The following NAAA variants were observed in gnomAD, a reference collection of about 807,000 sequenced individuals.
The protein encoded by NAAA is N-acylethanolamine acid amidase.
In NAAA, 39 loss-of-function variants were observed where a neutral mutation model predicts 44.8. The ratio of observed to expected loss-of-function variants is 0.87; its 90% CI spans 0.67 to 1.14. The LOEUF (loss-of-function observed/expected upper bound fraction) is 1.14. Among genes scored for constraint, NAAA ranks in the 50% most tolerant of loss-of-function variants. The pLI is 0.00. For synonymous variants in NAAA, 178 were observed against 191.3 expected, an observed-to-expected ratio of 0.93 and a Z score of 0.58; for missense variants, 460 against 467.8, an observed-to-expected ratio of 0.98 and a Z score of 0.15.
chr4:75,918,815 GAGA>G (rs1725871977), intron 8 of NAAA, 26 bp from the exon 9 acceptor site: 1 of 1,598,744 alleles, frequency 6.3e-7, no homozygotes, highest in Non-Finnish European at 8.6e-7. Flanking sequence ...TCATTTTATA[GAGA>G]AGATTACATG....
At chr4:75,924,584 T>C (rs1168310888) in intron 5 of NAAA, among the ~76,000 whole-genome samples, 1 of 152,240 alleles carries the variant, frequency 6.6e-6, no homozygotes, top group Non-Finnish European at 1.5e-5. Context: ...TTTTGTTGTG[T>C]GCACAGCTGG....
chr4:75,921,023 C>A lies in NAAA; in HGVS notation c.767G>T (p.Arg256Leu), dbSNP rs1388381303. Residue 256 changes from arginine (R) to leucine (L), a missense_variant, in exon 6 of 11, where the codon CGG becomes CTG. Physicochemically the swap from Arg to Leu is moderately radical, Grantham distance 102 (BLOSUM62 -2). Transcript: ENST00000286733. ...GTTCCTCGTGATGACCACCCCCTCC[C>A]GGGGGGACGTGCCACCAACAATGTA... Reference protein sequence around the residue: ...VYYIVGGTSPREGVVITRNRD... With the variant: ...VYYIVGGTSPLEGVVITRNRD... 1 of 1,609,082 alleles carries A rather than the reference C, an allele frequency of 6.2e-7. No individual in the cohort carries two copies. The highest frequency in any genetic ancestry group is 8.5e-7 in the Non-Finnish European group (1 of 1,178,954).
intron 1 of NAAA, 103 bp from the exon 2 acceptor site, chr4:75,940,268 C>T: frequency 7.8e-7 from 1 of 1,274,956 alleles, no homozygotes; most frequent in South Asian, 1.4e-5. Context: ...CGTGAGGTCT[C>T]AGGGCCACTG....
chr4:75,927,746 C>CATTTATGAATGTGTG (rs1216322534), intron 4 of NAAA, among the ~76,000 whole-genome samples: 3 of 145,324 alleles, frequency 2.1e-5, no homozygotes, highest in Non-Finnish European at 1.5e-5. Flanking sequence ...CATGATCGTG[C>CATTTATGAATGTGTG]ATTTATGAAT....
intron 2 of NAAA, 96 bp downstream of exon 2, chr4:75,939,897 CACCGCCCT>C: frequency 7.3e-7 from 1 of 1,361,582 alleles, no homozygotes; most frequent in Non-Finnish European, 1.0e-6. Context: ...GGCAAGCAGG[CACCGCCCT>C]GTTTTTATCA....
At chr4:75,936,472 A>G (rs539079634) in intron 2 of NAAA, among the ~76,000 whole-genome samples, 5 of 152,212 alleles carry the variant, frequency 3.3e-5, no homozygotes, top group Non-Finnish European at 7.3e-5. Context: ...CTTAGCACAC[A>G]TGGAGGGCAT....
chr4:75,939,162 A>G (rs1015479231), intron 2 of NAAA, among the ~76,000 whole-genome samples: 6 of 151,962 alleles, frequency 3.9e-5, no homozygotes, highest in Non-Finnish European at 5.9e-5. Flanking sequence ...CTGGATGCAC[A>G]TTTTATCATG....
chr4:75,910,815 A>T (rs543541319), downstream of NAAA, among the ~76,000 whole-genome samples: 1 of 152,342 alleles, frequency 6.6e-6, no homozygotes, highest in East Asian at 1.9e-4. Context: ...ACTGTCACAC[A>T]CATCTGTGTG....
downstream of NAAA, among the ~76,000 whole-genome samples, chr4:75,912,812 A>T (rs1049045212): frequency 1.3e-5 from 2 of 152,176 alleles, no homozygotes; most frequent in African/African-American, 4.8e-5. Flanking sequence ...TTCTAGTTTC[A>T]ATGGCTGTGT....
In NAAA at chr4:75,925,722, T is replaced by G. The variant is rs778536695; in HGVS notation, c.666+13A>C. 3.7e-6 allele frequency: 6 copies of G among 1,613,692 alleles called. No individual in the cohort carries two copies. In the African/African-American group the frequency reaches 8.0e-5, roughly 22 times the overall value. The stretch of plus-strand genomic sequence containing the variant: ...GGTGGAGTTAAGGAGGGCTCCACAT[T>G]AAATATACTCACAGCGCGGATCAGC... On this transcript the variant is annotated intron_variant, in intron 5 of 10. Coordinates refer to ENST00000286733, the MANE Select transcript of NAAA (RefSeq NM_014435.4).
Position 75,931,834 on chromosome 4 carries a change from G to A in NAAA, c.499-530C>T, listed in dbSNP as rs140497213. On this transcript the variant is annotated intron_variant, in intron 3 of 10. Coordinates refer to ENST00000286733, the MANE Select transcript of NAAA (RefSeq NM_014435.4). ...CAACTGATTTTTTTTGTAATCCTAC[G>A]TATTTTATTTTATGTATTTATAAAA... Among the ~76,000 whole-genome samples the A allele has an allele frequency of 3.5e-3, 538 of 152,192 alleles. 2 individuals are homozygous for A. Among genetic ancestry groups the A allele is most frequent in the African/African-American group, 9.1e-3 (377 of 41,526 alleles).
At chr4:75,935,033 T>C (rs1274286304) in intron 3 of NAAA, 1 of 152,254 alleles carries the variant, frequency 6.6e-6, no homozygotes, top group African/African-American at 2.4e-5. Context: ...AATAACTTAA[T>C]ATTTAGCAGA....
chr4:75,920,652 A>T, intron 7 of NAAA, 86 bp downstream of exon 7: 1 of 1,511,972 alleles, frequency 6.6e-7, no homozygotes, highest in Non-Finnish European at 9.2e-7. Flanking sequence ...TAGCACCCAT[A>T]GGTCTTGCCA....
At chr4:75,935,841 G>A (rs1416150854) in intron 3 of NAAA, 3 of 537,500 alleles carry the variant, frequency 5.6e-6, no homozygotes, top group Non-Finnish European at 9.7e-6. Flanking sequence ...CTCTGCATAA[G>A]TGGATGATTG....
In NAAA at chr4:75,913,975, A is replaced by C; in HGVS notation, c.*400T>G. The C allele has an allele frequency of 1.0e-6, 1 of 985,424 alleles. No homozygotes were observed. Among genetic ancestry groups the C allele is most frequent in the Non-Finnish European group, 1.2e-6 (1 of 829,928 alleles). The allele number at this position is 985,424 out of a possible 1,614,324, so 61.0% of individuals were successfully genotyped here. On this transcript the variant is annotated 3_prime_UTR_variant, in exon 11 of 11. Coordinates refer to ENST00000286733, the MANE Select transcript of NAAA (RefSeq NM_014435.4). ...TTAGGCTCTTTCAGAAGCACTTCAC[A>C]ATGAACAGAGGTCTTGCCAGCTCAT... is the stretch of plus-strand genomic sequence containing the variant.
rs567339111 is a variant in NAAA, at chr4:75,917,611, G to A, written c.998+1150C>T. 2.8e-5 allele frequency: 6 copies of A among 211,480 alleles called. No individual in the cohort carries two copies. In the East Asian group the frequency reaches 6.9e-4, roughly 24 times the overall value. 13.1% of individuals were successfully genotyped at this position (211,480 alleles called of 1,614,324 possible). A position where few individuals can be genotyped will look rare whatever the true frequency, so the allele number is the denominator to read the frequency against. ...TTCCCAAGTAGCTGTGATAACAGGC[G>A]TGCACCGTCATGCCTGGTTGATTTT... On this transcript the variant is annotated intron_variant, in intron 9 of 10. Transcript: ENST00000286733.
chr4:75,925,696 A>T, intron 5 of NAAA, 39 bp downstream of exon 5: 1 of 1,574,712 alleles, frequency 6.4e-7, no homozygotes, highest in Non-Finnish European at 8.7e-7. Context: ...TAGAAGGTGG[A>T]GGTGGAGTTA....
At chr4:75,931,173 A>AAT in intron 4 of NAAA, 41 bp downstream of exon 4, 1 of 1,524,124 alleles carries the variant, frequency 6.6e-7, no homozygotes, top group Non-Finnish European at 9.1e-7. Flanking sequence ...AGAACTGAAC[A>AAT]ATAATGTAGC....
chr4:75,921,535 A>G (rs987317004), intron 5 of NAAA, among the ~76,000 whole-genome samples: 2 of 152,150 alleles, frequency 1.3e-5, no homozygotes, highest in African/African-American at 4.8e-5. Context: ...GCCTGGTCCT[A>G]TTCTCCCCAA....
Sources: allele counts gnomAD v4.1 joint callset (sites outside exome capture counted in the v4.1 genomes callset), GRCh38; gene constraint gnomAD v4.1.1; transcripts MANE v1.5; gene names NCBI Gene and HGNC (gene_info 2026-07-23, HGNC 2026-07-21).